The following SNX16 variants were observed in gnomAD, a reference collection of about 807,000 sequenced individuals.
SNX16 encodes the protein sorting nexin 16.
SNX16 carries 35 observed loss-of-function variants against 36.7 expected under a neutral mutation model. The observed-to-expected ratio is 0.95, with a 90% CI of 0.73 to 1.27. SNX16 has a LOEUF of 1.27. Among genes scored for constraint, SNX16 ranks in the 50% most tolerant of loss-of-function variants. The pLI is 0.00. For synonymous variants in SNX16, 134 were observed against 132.0 expected, an observed-to-expected ratio of 1.02 and a Z score of -0.10; for missense variants, 367 against 393.6, an observed-to-expected ratio of 0.93 and a Z score of 0.57.
chr8:81,816,760 C>A (rs1395611890), intron 4 of SNX16, among the ~76,000 whole-genome samples: 1 of 152,102 alleles, frequency 6.6e-6, no homozygotes, highest in Non-Finnish European at 1.5e-5. Flanking sequence ...AATTACTTGC[C>A]TATTGTCAGA....
intron 5 of SNX16, among the ~76,000 whole-genome samples, chr8:81,805,495 A>G (rs1809889813): frequency 6.6e-6 from 1 of 152,218 alleles, no homozygotes; most frequent in Admixed American, 6.5e-5. Context: ...AAAAAGGCAA[A>G]AAGTGGTTCT....
intron 2 of SNX16, among the ~76,000 whole-genome samples, chr8:81,831,145 C>A (rs186819735): frequency 6.6e-6 from 1 of 152,228 alleles, no homozygotes; most frequent in East Asian, 1.9e-4. Context: ...AAGGTAAGGC[C>A]ACAAACTATA....
chr8:81,815,036 A>G (rs1664136034), intron 5 of SNX16: 1 of 173,688 alleles, frequency 5.8e-6, no homozygotes, highest in South Asian at 1.6e-4. Flanking sequence ...TATTAAATAT[A>G]AAAAGGTCCC....
intron 4 of SNX16, among the ~76,000 whole-genome samples, chr8:81,819,005 T>G (rs1426924835): frequency 1.3e-5 from 2 of 152,134 alleles, no homozygotes; most frequent in African/African-American, 2.4e-5. Context: ...TATTAATGTT[T>G]GGATACTATT....
intron 2 of SNX16, among the ~76,000 whole-genome samples, chr8:81,830,907 C>A (rs948639172): frequency 3.5e-4 from 53 of 152,116 alleles, no homozygotes; most frequent in African/African-American, 1.3e-3. Context: ...GGTACTGGTA[C>A]AAATACAGAC....
chr8:81,801,663 T>A, intron 7 of SNX16, 70 bp from the exon 8 acceptor site: 1 of 911,050 alleles, frequency 1.1e-6, no homozygotes, highest in Non-Finnish European at 1.6e-6. Flanking sequence ...TCATTTTCAC[T>A]ATTACCTTTA....
At chr8:81,814,516 T>C (rs1810394967) in intron 5 of SNX16, 1 of 152,036 alleles carries the variant, frequency 6.6e-6, no homozygotes, top group South Asian at 2.1e-4. Context: ...GAATTCTTTT[T>C]GAGGTGATGA....
chr8:81,818,743 T>A (rs1438272801), intron 4 of SNX16, among the ~76,000 whole-genome samples: 2 of 152,124 alleles, frequency 1.3e-5, no homozygotes, highest in African/African-American at 2.4e-5. Context: ...CCAGCCAGTA[T>A]CAGCATCACC....
intron 5 of SNX16, chr8:81,807,763 C>T: frequency 1.5e-6 from 1 of 685,546 alleles, no homozygotes; most frequent in Non-Finnish European, 2.7e-6. Flanking sequence ...CTCTCTTCTC[C>T]CTGCTGTCAT....
chr8:81,805,224 C>A (rs999997392), intron 5 of SNX16, among the ~76,000 whole-genome samples: 1 of 151,384 alleles, frequency 6.6e-6, no homozygotes, highest in Non-Finnish European at 1.5e-5. Context: ...AAAAAACAGT[C>A]AATAATATTA....
At position 81,799,875 on chromosome 8, in the gene SNX16, G is replaced by C. The variant is rs552554994; in HGVS notation, c.*1622C>G. Reference sequence around the variant, plus strand: ...AATGATTGTTCTTTTTAAGCCTTTTGTAAGTCTAGAATAATAATTTTAATA... The same window carrying C: ...AATGATTGTTCTTTTTAAGCCTTTTCTAAGTCTAGAATAATAATTTTAATA... On this transcript the variant is annotated 3_prime_UTR_variant, in exon 8 of 8. Transcript: ENST00000345957. The C allele has an allele frequency of 1.3e-5, 2 of 151,900 alleles. No homozygotes were observed. Among genetic ancestry groups the C allele is most frequent in the South Asian group, 4.1e-4 (2 of 4,822 alleles). 9.4% of individuals were successfully genotyped at this position (151,900 alleles called of 1,614,324 possible). A position where few individuals can be genotyped will look rare whatever the true frequency, so the allele number is the denominator to read the frequency against.
intron 4 of SNX16, among the ~76,000 whole-genome samples, chr8:81,822,959 T>TATATACATATATAG (rs1810831407): frequency 1.2e-5 from 1 of 81,596 alleles, no homozygotes; most frequent in African/African-American, 4.8e-5. Flanking sequence ...TATATATATA[T>TATATACATATATAG]ATATATATAT....
At chr8:81,825,161 A>C (rs151145766) in intron 3 of SNX16, among the ~76,000 whole-genome samples, 163 of 152,240 alleles carry the variant, frequency 1.1e-3, no homozygotes, top group Non-Finnish European at 1.8e-3. Flanking sequence ...TAGTCGCAAG[A>C]CCATCCAGGT....
intron 4 of SNX16, among the ~76,000 whole-genome samples, chr8:81,816,733 G>C (rs999593657): frequency 1.3e-5 from 2 of 152,142 alleles, no homozygotes; most frequent in Admixed American, 1.3e-4. Flanking sequence ...AAATGATACC[G>C]AATTTCAGAG....
chr8:81,813,872 T>C (rs1810368903), intron 5 of SNX16, among the ~76,000 whole-genome samples: 1 of 151,566 alleles, frequency 6.6e-6, no homozygotes, highest in Admixed American at 6.6e-5. Context: ...TATAATGAAA[T>C]ATCACTACCT....
chr8:81,829,302 A>AT (rs1208253909), intron 3 of SNX16, 128 bp downstream of exon 3: 7 of 240,530 alleles, frequency 2.9e-5, no homozygotes, highest in East Asian at 9.1e-5. Context: ...AAATTTATTT[A>AT]AAAAATTAAT....
intron 5 of SNX16, 199 bp downstream of exon 5, chr8:81,815,126 T>G (rs991307895): frequency 7.6e-5 from 24 of 315,892 alleles, no homozygotes; most frequent in African/African-American, 5.1e-4. Flanking sequence ...CATATATGAA[T>G]TTTTACTTTT....
At chr8:81,815,198 C>CA in intron 5 of SNX16, 127 bp downstream of exon 5, 1 of 616,996 alleles carries the variant, frequency 1.6e-6, no homozygotes, top group Non-Finnish European at 2.5e-6. Context: ...TGAAAGCTTT[C>CA]TGTGCAAAAC....
chr8:81,817,290 G>A (rs1279551933), intron 4 of SNX16, among the ~76,000 whole-genome samples: 1 of 152,070 alleles, frequency 6.6e-6, no homozygotes, highest in African/African-American at 2.4e-5. Context: ...GACTGCTACT[G>A]CTAGGAAAGA....
Sources: gnomAD v4.1 joint callset for allele counts (sites outside exome capture counted in the v4.1 genomes callset) on GRCh38, gnomAD v4.1.1 for gene constraint, MANE v1.5 for transcripts, NCBI Gene and HGNC (gene_info 2026-07-23, HGNC 2026-07-21) for gene names.